RNF169: variants seen among roughly 807,000 people sequenced by gnomAD.
RNF169 encodes the protein E3 ubiquitin-protein ligase RNF169.
In RNF169, 24 loss-of-function variants were observed where a neutral mutation model predicts 53.9. The ratio of observed to expected loss-of-function variants is 0.45; its 90% CI spans 0.32 to 0.63. RNF169 has a LOEUF of 0.63. Ranked by LOEUF, RNF169 falls within the 20% of genes least tolerant of loss-of-function variation. The probability of loss-of-function intolerance (pLI) is 0.04; values close to 1 mark genes in which losing one functional copy is unlikely to be tolerated. For missense variants in RNF169, 883 were observed against 906.2 expected (o/e 0.97, Z 0.33); for synonymous variants, 396 against 363.5 (o/e 1.09, Z -1.02).
Position 74,837,664 on chromosome 11 carries a change from T to C in RNF169, c.*934T>C, listed in dbSNP as rs557942377. 3.3e-5 allele frequency: 5 copies of C among 152,354 alleles called. No homozygotes were observed. Among genetic ancestry groups the C allele is most frequent in the Non-Finnish European group, 7.3e-5 (5 of 68,034 alleles). The allele number at this position is 152,354 out of a possible 1,614,324, so 9.4% of individuals were successfully genotyped here. On this transcript the variant is annotated 3_prime_UTR_variant, in exon 6 of 6. Transcript: ENST00000299563. ...CTATGAGACAAACTATAATCAGGCT[T>C]CATTATTACTTTTCAAATGGCCAAG...
rs2036349833 is a variant in RNF169, at chr11:74,840,468, T to C, written c.*3738T>C. ...AGAATGAATTTTCTCCTCTAGTGAT[T>C]ACAGGACATTAACATCTCTTCAGAA... On this transcript the variant is annotated 3_prime_UTR_variant, in exon 6 of 6. Transcript: ENST00000299563. 1 of 152,202 alleles carries C rather than the reference T, an allele frequency of 6.6e-6. No homozygotes were observed. The highest frequency in any genetic ancestry group is 1.5e-5 in the Non-Finnish European group (1 of 68,036). 9.4% of individuals were successfully genotyped at this position (152,202 alleles called of 1,614,324 possible).
intron 1 of RNF169, among the ~76,000 whole-genome samples, chr11:74,776,906 A>T (rs1191905644): frequency 6.6e-6 from 1 of 152,192 alleles, no homozygotes; most frequent in East Asian, 1.9e-4. Context: ...AAGGAATAGT[A>T]GAAGATTGGC....
intron 1 of RNF169, among the ~76,000 whole-genome samples, chr11:74,781,640 A>G (rs1565175563): frequency 6.6e-6 from 1 of 152,208 alleles, no homozygotes; most frequent in Non-Finnish European, 1.5e-5. Flanking sequence ...TACCAACTTG[A>G]TACAAAAGTG....
intron 3 of RNF169, among the ~76,000 whole-genome samples, chr11:74,814,324 T>C (rs548256132): frequency 1.3e-5 from 2 of 151,102 alleles, no homozygotes; most frequent in Non-Finnish European, 3.0e-5. Context: ...AGTGAGACTC[T>C]GTCTCAAAAA....
intron 4 of RNF169, among the ~76,000 whole-genome samples, chr11:74,823,640 G>C (rs1053510147): frequency 4.6e-5 from 7 of 151,476 alleles, no homozygotes; most frequent in African/African-American, 1.7e-4. Context: ...AGGAGGCTGT[G>C]GTGGGAGGAT....
At chr11:74,818,079 A>G (rs2035961879) in intron 4 of RNF169, among the ~76,000 whole-genome samples, 1 of 152,232 alleles carries the variant, frequency 6.6e-6, no homozygotes, top group African/African-American at 2.4e-5. Context: ...TTCAATGCCT[A>G]GACCTAAAAT....
intron 2 of RNF169, among the ~76,000 whole-genome samples, chr11:74,806,045 G>A (rs1450529280): frequency 1.3e-5 from 2 of 151,664 alleles, no homozygotes; most frequent in Non-Finnish European, 2.9e-5. Context: ...ACACACACAC[G>A]TACATACATA....
intron 3 of RNF169, among the ~76,000 whole-genome samples, chr11:74,810,633 G>A (rs906020462): frequency 6.6e-6 from 1 of 152,200 alleles, no homozygotes; most frequent in African/African-American, 2.4e-5. Flanking sequence ...TTGGACTTAT[G>A]TGTTATTTGA....
In RNF169 at chr11:74,838,876, A is replaced by G. The variant is rs545704014; in HGVS notation, c.*2146A>G. 2.6e-5 allele frequency: 4 copies of G among 152,276 alleles called. No individual in the cohort carries two copies. The highest frequency in any genetic ancestry group is 9.6e-5 in the African/African-American group (4 of 41,566). 9.4% of individuals were successfully genotyped at this position (152,276 alleles called of 1,614,324 possible). A position where few individuals can be genotyped will look rare whatever the true frequency, so the allele number is the denominator to read the frequency against. On this transcript the variant is annotated 3_prime_UTR_variant, in exon 6 of 6. Transcript: ENST00000299563. ...CATTTCCTTTTTGATCTTAGTAAAT[A>G]TTATTGGAAGGCTAGTCTTGTTGGT...
intron 2 of RNF169, among the ~76,000 whole-genome samples, chr11:74,790,057 T>C (rs553830141): frequency 1.6e-4 from 25 of 152,350 alleles, no homozygotes; most frequent in African/African-American, 5.8e-4. Flanking sequence ...TAATTACATG[T>C]AGCTGGTGTT....
At chr11:74,805,581 A>G (rs2035791484) in intron 2 of RNF169, among the ~76,000 whole-genome samples, 1 of 152,228 alleles carries the variant, frequency 6.6e-6, no homozygotes, top group Non-Finnish European at 1.5e-5. Context: ...AGGTCAAATA[A>G]TAAGCTCGTT....
intron 2 of RNF169, among the ~76,000 whole-genome samples, chr11:74,794,129 A>G (rs2035615639): frequency 6.6e-6 from 1 of 152,220 alleles, no homozygotes; most frequent in Non-Finnish European, 1.5e-5. Context: ...TTTCTAAGTA[A>G]AATCAGGGTT....
At chr11:74,831,976 A>C (rs1353507909) in intron 4 of RNF169, 1 of 152,234 alleles carries the variant, frequency 6.6e-6, no homozygotes, top group Non-Finnish European at 1.5e-5. Context: ...CCCCAACCTC[A>C]TACCACATAC....
chr11:74,831,124 C>T (rs1240911175), intron 4 of RNF169: 1 of 152,104 alleles, frequency 6.6e-6, no homozygotes, highest in Non-Finnish European at 1.5e-5. Context: ...CACTTCTGTT[C>T]AACATTGTAC....
intron 1 of RNF169, among the ~76,000 whole-genome samples, chr11:74,751,820 C>G (rs574318164): frequency 6.6e-6 from 1 of 152,166 alleles, no homozygotes; most frequent in Non-Finnish European, 1.5e-5. Flanking sequence ...GGAAGTATCT[C>G]TTAGCTTCAG....
rs940187875 is a variant in RNF169, at chr11:74,839,744, GAAACT to G, written c.*3015_*3019del. ...CAGCTCTTTTCCATAGAGAGGGAAA[GAAACT>G]TTGAGAAAATGTTCTTGACCCATTG... On this transcript the variant is annotated 3_prime_UTR_variant, in exon 6 of 6. Coordinates refer to ENST00000299563, the MANE Select transcript of RNF169 (RefSeq NM_001098638.2). 58 of 152,312 alleles carry G rather than the reference GAAACT, an allele frequency of 3.8e-4. No individual in the cohort carries two copies. Among genetic ancestry groups the G allele is most frequent in the African/African-American group, 1.4e-3 (57 of 41,554 alleles). 9.4% of individuals were successfully genotyped at this position (152,312 alleles called of 1,614,324 possible). A position where few individuals can be genotyped will look rare whatever the true frequency, so the allele number is the denominator to read the frequency against.
intron 1 of RNF169, among the ~76,000 whole-genome samples, chr11:74,758,440 C>T (rs1354794232): frequency 2.7e-5 from 4 of 150,104 alleles, no homozygotes; most frequent in Admixed American, 2.0e-4. Context: ...TGTGATGCCT[C>T]CAGCTTTGTT....
intron 2 of RNF169, among the ~76,000 whole-genome samples, chr11:74,806,143 AG>A (rs1438166697): frequency 1.3e-5 from 2 of 152,184 alleles, no homozygotes; most frequent in Non-Finnish European, 2.9e-5. Flanking sequence ...AAATTACTAG[AG>A]GAAAAAAACA....
chr11:74,836,636 G>A lies in RNF169; in HGVS notation c.2033G>A (p.Arg678His), dbSNP rs201694897. ...CGACAGTTGGCTCTGCAGTTGCAGC[G>A]CATGTTCGACAATGAGAGGCGGACT... ...EDRQLALQLQ[R>H]MFDNERRTVS... is the part of the protein sequence containing the mutation. The change falls in exon 6 of 6, where the codon CGC becomes CAC. Residue 678 changes from arginine to histidine, a missense_variant. By Grantham distance (29) the Arg-to-His change is conservative. Transcript: ENST00000299563. 13 of 1,614,054 alleles carry A rather than the reference G, an allele frequency of 8.1e-6. No individual in the cohort carries two copies. In the East Asian group the frequency reaches 1.3e-4, roughly 17 times the overall value.
Sources: allele counts gnomAD v4.1 joint callset (sites outside exome capture counted in the v4.1 genomes callset), GRCh38; gene constraint gnomAD v4.1.1; transcripts MANE v1.5; gene names NCBI Gene and HGNC (gene_info 2026-07-23, HGNC 2026-07-21).